The following LRRTM4 variants were observed in gnomAD, a reference collection of about 807,000 sequenced individuals.
LRRTM4 encodes the protein leucine rich repeat transmembrane neuronal 4, also known as leucine-rich repeat transmembrane neuronal protein 4.
A neutral mutation model predicts 47.6 loss-of-function variants in LRRTM4; 25 were observed. The ratio of observed to expected loss-of-function variants is 0.53; its 90% CI spans 0.38 to 0.73. The LOEUF (loss-of-function observed/expected upper bound fraction) is 0.73. Among genes scored for constraint, LRRTM4 ranks in the 30% least tolerant of loss-of-function variants. The pLI, the probability that LRRTM4 is intolerant of heterozygous loss-of-function variation, is 0.00. For synonymous variants in LRRTM4, 311 were observed against 269.5 expected (o/e 1.15, Z -1.51); for missense variants, 638 against 713.4 (o/e 0.89, Z 1.20).
At chr2:77,136,968 G>A (rs944248806) in intron 3 of LRRTM4, among the ~76,000 whole-genome samples, 2 of 151,980 alleles carry the variant, frequency 1.3e-5, no homozygotes, top group South Asian at 2.1e-4. Context: ...AAGAAATATG[G>A]GACTATGTGA....
intron 3 of LRRTM4, among the ~76,000 whole-genome samples, chr2:77,064,902 C>T (rs1029157504): frequency 1.3e-5 from 2 of 152,138 alleles, no homozygotes. Flanking sequence ...TAGCAACCTA[C>T]AGAAGACATC....
chr2:77,428,320 C>T (rs1675207774), intron 3 of LRRTM4, among the ~76,000 whole-genome samples: 1 of 152,212 alleles, frequency 6.6e-6, no homozygotes, highest in Non-Finnish European at 1.5e-5. Flanking sequence ...CCAATAACCA[C>T]ATCAACAGTA....
intron 3 of LRRTM4, among the ~76,000 whole-genome samples, chr2:77,051,773 C>A (rs1679441411): frequency 6.6e-6 from 1 of 152,136 alleles, no homozygotes; most frequent in Non-Finnish European, 1.5e-5. Context: ...ATCAAATTTG[C>A]AACTTGAGCA....
At chr2:76,974,589 A>G (rs1364019930) in intron 3 of LRRTM4, among the ~76,000 whole-genome samples, 3 of 151,546 alleles carry the variant, frequency 2.0e-5, no homozygotes, top group Non-Finnish European at 1.5e-5. Context: ...CCAAATAACT[A>G]TCCAAGTATA....
chr2:77,391,200 C>A (rs1247901493), intron 3 of LRRTM4, among the ~76,000 whole-genome samples: 1 of 151,814 alleles, frequency 6.6e-6, no homozygotes, highest in East Asian at 1.9e-4. Flanking sequence ...ACTTTATATT[C>A]TTTATTGGTT....
At chr2:77,241,593 T>A (rs902530979) in intron 3 of LRRTM4, among the ~76,000 whole-genome samples, 1 of 151,666 alleles carries the variant, frequency 6.6e-6, no homozygotes, top group Non-Finnish European at 1.5e-5. Flanking sequence ...ACCTATTGAA[T>A]AGAGATTAGG....
intron 3 of LRRTM4, among the ~76,000 whole-genome samples, chr2:77,140,455 A>G (rs1672088805): frequency 6.6e-6 from 1 of 152,192 alleles, no homozygotes; most frequent in African/African-American, 2.4e-5. Context: ...CCTTCCTTAC[A>G]CCTTATACAA....
chr2:77,052,309 C>G lies in LRRTM4; in HGVS notation c.1552-303393G>C, dbSNP rs762461290. Among the ~76,000 whole-genome samples, 42 of 151,878 alleles carry G rather than the reference C, an allele frequency of 2.8e-4. 1 individual carries two copies. The highest frequency in any genetic ancestry group is 1.1e-3 in the Admixed American group (17 of 15,238). ...TCAACCTCCCGGGTAGCTGGGATTA[C>G]AGGCATCTGCCACCACGCCTGGCTA... On this transcript the variant is annotated intron_variant, in intron 3 of 3. Transcript: ENST00000409884.
chr2:77,308,041 T>A (rs911190450), intron 3 of LRRTM4, among the ~76,000 whole-genome samples: 2 of 142,068 alleles, frequency 1.4e-5, no homozygotes, highest in African/African-American at 5.1e-5. Context: ...TCTATATATC[T>A]ATATAACATT....
Position 76,748,505 on chromosome 2 carries a change from A to G in LRRTM4, c.*190T>C, listed in dbSNP as rs1672722214. 1.7e-6 allele frequency: 1 copy of G among 589,662 alleles called. No individual in the cohort carries two copies. Among genetic ancestry groups the G allele is most frequent in the Non-Finnish European group, 3.0e-6 (1 of 332,708 alleles). The allele number at this position is 589,662 out of a possible 1,614,324, so 36.5% of individuals were successfully genotyped here. On this transcript the variant is annotated 3_prime_UTR_variant, in exon 4 of 4. Transcript: ENST00000409884. ...AAGAAAGTTCTGCAGTCCTCCCGGT[A>G]ATGCTGCAGGTGCATTCGCTGCCCT...
At chr2:77,346,184 T>A (rs72915945) in intron 3 of LRRTM4, among the ~76,000 whole-genome samples, 1 of 151,994 alleles carries the variant, frequency 6.6e-6, no homozygotes, top group Non-Finnish European at 1.5e-5. Context: ...AACAGATTAG[T>A]ACTTTGCCTA....
chr2:77,514,872 G>A (rs1455049254), intron 3 of LRRTM4, among the ~76,000 whole-genome samples: 2 of 151,792 alleles, frequency 1.3e-5, no homozygotes, highest in Non-Finnish European at 2.9e-5. Context: ...AATTTCGAAG[G>A]AAAAAATTGA....
rs188909373 is a variant in LRRTM4 at position 77,291,659 on chromosome 2, G to C, written c.1551+226659C>G. On this transcript the variant is annotated intron_variant, in intron 3 of 3. Coordinates refer to ENST00000409884, the MANE Select transcript of LRRTM4 (RefSeq NM_001134745.3). ...AAAAGAAAAATTTTTTAAAAGCATT[G>C]TATTTAGTGACCATTATATTTTAGC... Among the ~76,000 whole-genome samples, 181 of 152,068 alleles carry C rather than the reference G, an allele frequency of 1.2e-3. 1 individual carries two copies. The highest frequency in any genetic ancestry group is 4.2e-3 in the African/African-American group (176 of 41,520).
chr2:77,363,027 C>A (rs572388653), intron 3 of LRRTM4, among the ~76,000 whole-genome samples: 2 of 152,242 alleles, frequency 1.3e-5, no homozygotes, highest in South Asian at 2.1e-4. Context: ...CTGATGAGAA[C>A]ATTGAGGCAA....
At chr2:77,358,209 G>A (rs913936514) in intron 3 of LRRTM4, among the ~76,000 whole-genome samples, 2 of 152,162 alleles carry the variant, frequency 1.3e-5, no homozygotes, top group Admixed American at 6.5e-5. Context: ...TACTTGGCTC[G>A]TGGTTCTGCA....
At chr2:77,505,340 A>C (rs2104088466) in intron 3 of LRRTM4, among the ~76,000 whole-genome samples, 1 of 151,620 alleles carries the variant, frequency 6.6e-6, no homozygotes, top group South Asian at 2.1e-4. Context: ...TAATTTTTAT[A>C]AATGAGACTA....
chr2:76,780,890 T>A (rs1222975000), intron 3 of LRRTM4, among the ~76,000 whole-genome samples: 3 of 151,328 alleles, frequency 2.0e-5, no homozygotes, highest in African/African-American at 7.2e-5. Flanking sequence ...CTTTGTGGTT[T>A]TTATCTACTT....
chr2:77,185,377 A>C (rs1257492786), intron 3 of LRRTM4, among the ~76,000 whole-genome samples: 2 of 152,098 alleles, frequency 1.3e-5, no homozygotes, highest in African/African-American at 4.8e-5. Flanking sequence ...TAAAGGTCAT[A>C]TTTTGGTCTC....
At chr2:77,413,843 TAC>T (rs60861644) in intron 3 of LRRTM4, among the ~76,000 whole-genome samples, 3,811 of 150,246 alleles carry the variant, frequency 0.025, 60 homozygotes, top group Non-Finnish European at 0.033. Flanking sequence ...TCTAGTTTTA[TAC>T]ACACACACAC....
Sources: gnomAD v4.1 joint callset for allele counts (sites outside exome capture counted in the v4.1 genomes callset) on GRCh38, gnomAD v4.1.1 for gene constraint, MANE v1.5 for transcripts, NCBI Gene and HGNC (gene_info 2026-07-23, HGNC 2026-07-21) for gene names.